MCPH1: variants seen among roughly 807,000 people sequenced by gnomAD.
MCPH1 encodes the protein microcephalin 1, also known as microcephalin.
In MCPH1, 104 loss-of-function variants were observed where a neutral mutation model predicts 84.5. The observed-to-expected ratio is 1.23, with a 90% CI of 1.05 to 1.45. The LOEUF (loss-of-function observed/expected upper bound fraction) is 1.45, where lower values mean the gene tolerates loss of function less well. Among genes scored for constraint, MCPH1 ranks in the 40% most tolerant of loss-of-function variants. The pLI is 0.00. For synonymous variants in MCPH1, 514 were observed against 366.8 expected, an observed-to-expected ratio of 1.40 and a Z score of -4.58; for missense variants, 1,498 against 1,005.7, an observed-to-expected ratio of 1.49 and a Z score of -6.62.
intron 12 of MCPH1, among the ~76,000 whole-genome samples, chr8:6,617,900 A>AATCTATCTATCTATCT (rs142071946): frequency 0.11 from 15,611 of 142,982 alleles, 906 homozygotes; most frequent in East Asian, 0.14. Flanking sequence ...CTATCTATCT[A>AATCTATCTATCTATCT]ATCTATCTAT....
chr8:6,621,146 C>T, intron 12 of MCPH1: 1 of 415,934 alleles, frequency 2.4e-6, no homozygotes, highest in East Asian at 5.5e-5. Context: ...AGCTATGGCT[C>T]TGCTGTGCTA....
At chr8:6,505,193 CT>C (rs1336646849) in intron 12 of MCPH1, among the ~76,000 whole-genome samples, 18 of 126,176 alleles carry the variant, frequency 1.4e-4, no homozygotes, top group African/African-American at 5.1e-4. Flanking sequence ...TATATATATT[CT>C]TATGTATATA....
intron 12 of MCPH1, among the ~76,000 whole-genome samples, chr8:6,596,954 G>A (rs1012196385): frequency 1.3e-5 from 2 of 152,146 alleles, no homozygotes; most frequent in African/African-American, 2.4e-5. Flanking sequence ...GCAACCAGTT[G>A]CTTCTTCATG....
At chr8:6,551,338 A>T (rs983311818) in intron 12 of MCPH1, among the ~76,000 whole-genome samples, 2 of 152,186 alleles carry the variant, frequency 1.3e-5, no homozygotes, top group African/African-American at 4.8e-5. Context: ...AATTCTATGC[A>T]TGTCAGCTGC....
intron 3 of MCPH1, among the ~76,000 whole-genome samples, chr8:6,428,410 G>C (rs1181800422): frequency 6.6e-6 from 1 of 152,126 alleles, no homozygotes; most frequent in Non-Finnish European, 1.5e-5. Flanking sequence ...TTGACCAAAA[G>C]GTTGTTATGC....
intron 13 of MCPH1, 26 bp downstream of exon 13, chr8:6,621,717 G>T: frequency 1.2e-6 from 2 of 1,613,874 alleles, no homozygotes; most frequent in Non-Finnish European, 1.7e-6. Context: ...CACAGACGCT[G>T]TGGTGTGGTC....
At chr8:6,545,245 T>C (rs534731676) in intron 12 of MCPH1, among the ~76,000 whole-genome samples, 4 of 152,344 alleles carry the variant, frequency 2.6e-5, no homozygotes, top group Non-Finnish European at 5.9e-5. Flanking sequence ...AAATGTTTCC[T>C]AGATCTTGAC....
chr8:6,411,309 C>T (rs929587515), intron 2 of MCPH1, among the ~76,000 whole-genome samples: 2 of 151,996 alleles, frequency 1.3e-5, no homozygotes, highest in African/African-American at 4.8e-5. Context: ...ATAAGGAAGC[C>T]AGTGAAGGTT....
intron 8 of MCPH1, among the ~76,000 whole-genome samples, chr8:6,454,605 G>T (rs921511642): frequency 6.6e-6 from 1 of 152,198 alleles, no homozygotes; most frequent in Admixed American, 6.5e-5. Flanking sequence ...TCACTTGAAT[G>T]AGTATCCTTT....
intron 2 of MCPH1, among the ~76,000 whole-genome samples, chr8:6,412,277 G>A (rs1013823440): frequency 4.6e-5 from 7 of 152,200 alleles, no homozygotes; most frequent in Non-Finnish European, 1.0e-4. Context: ...ATTTACTTGG[G>A]ATGAGGAGGA....
At chr8:6,536,661 G>C (rs1042478505) in intron 12 of MCPH1, among the ~76,000 whole-genome samples, 4 of 152,106 alleles carry the variant, frequency 2.6e-5, no homozygotes, top group African/African-American at 9.7e-5. Flanking sequence ...CCATCATATA[G>C]TATAAAAATG....
At chr8:6,609,124 ATTTTTTAAG>A (rs1361191273) in intron 12 of MCPH1, among the ~76,000 whole-genome samples, 103 of 152,212 alleles carry the variant, frequency 6.8e-4, no homozygotes, top group African/African-American at 2.5e-3. Flanking sequence ...CTATCAGACC[ATTTTTTAAG>A]GATGAAATCA....
intron 8 of MCPH1, among the ~76,000 whole-genome samples, chr8:6,447,719 T>A (rs546774333): frequency 4.9e-4 from 75 of 152,160 alleles, no homozygotes; most frequent in Admixed American, 1.4e-3. Context: ...CCAGCTAATT[T>A]TGTTGTATTT....
chr8:6,417,949 A>G (rs1019827323), intron 3 of MCPH1, among the ~76,000 whole-genome samples: 1 of 152,202 alleles, frequency 6.6e-6, no homozygotes, highest in Non-Finnish European at 1.5e-5. Flanking sequence ...TTGTTTTAGC[A>G]AGCAGTTAAC....
At chr8:6,489,010 TG>T (rs1162437973) in intron 11 of MCPH1, among the ~76,000 whole-genome samples, 1 of 152,006 alleles carries the variant, frequency 6.6e-6, no homozygotes, top group Non-Finnish European at 1.5e-5. Flanking sequence ...AATTTTTTCC[TG>T]GGGCGACTAA....
intron 9 of MCPH1, among the ~76,000 whole-genome samples, chr8:6,469,406 G>T (rs1446027855): frequency 1.3e-5 from 2 of 152,052 alleles, no homozygotes; most frequent in African/African-American, 4.8e-5. Flanking sequence ...TAGCTGCCAG[G>T]GATCTAGGTC....
chr8:6,438,678 T>C (rs1257666028), intron 5 of MCPH1, among the ~76,000 whole-genome samples: 1 of 152,198 alleles, frequency 6.6e-6, no homozygotes, highest in Non-Finnish European at 1.5e-5. Flanking sequence ...GATACTGATT[T>C]GGGTTTGGAT....
intron 3 of MCPH1, among the ~76,000 whole-genome samples, chr8:6,422,717 C>T (rs1202685331): frequency 1.3e-5 from 2 of 152,204 alleles, no homozygotes; most frequent in East Asian, 1.9e-4. Flanking sequence ...GAGACTGAGT[C>T]TCACTCTCTT....
At chr8:6,484,370 C>T (rs1436112667) in intron 11 of MCPH1, among the ~76,000 whole-genome samples, 2 of 148,638 alleles carry the variant, frequency 1.3e-5, no homozygotes, top group African/African-American at 2.4e-5. Flanking sequence ...ATTAGAATGG[C>T]TAAAAGAAAA....
Sources: gnomAD v4.1 joint callset for allele counts (sites outside exome capture counted in the v4.1 genomes callset) on GRCh38, gnomAD v4.1.1 for gene constraint, MANE v1.5 for transcripts, NCBI Gene and HGNC (gene_info 2026-07-23, HGNC 2026-07-21) for gene names.